Variants in LRP1B observed in about 807,000 individuals in gnomAD.
LRP1B encodes the protein LDL receptor related protein 1B, also known as low-density lipoprotein receptor-related protein 1B.
In LRP1B, 217 loss-of-function variants were observed where a neutral mutation model predicts 556.6. The ratio of observed to expected loss-of-function variants is 0.39; its 90% CI spans 0.35 to 0.44. LRP1B has a LOEUF of 0.44. Among genes scored for constraint, LRP1B ranks in the 20% least tolerant of loss-of-function variants. The pLI is 1.00. For missense variants in LRP1B, 5,053 were observed against 5,620.8 expected, an observed-to-expected ratio of 0.90 and a Z score of 3.23; for synonymous variants, 2,047 against 1,865.8, an observed-to-expected ratio of 1.10 and a Z score of -2.50.
intron 2 of LRP1B, among the ~76,000 whole-genome samples, chr2:141,692,655 T>C (rs546749122): frequency 6.6e-5 from 10 of 152,104 alleles, no homozygotes; most frequent in African/African-American, 1.9e-4. Context: ...GTATATGTTC[T>C]GAGAAACGTG....
chr2:141,456,756 T>C (rs966325330), intron 3 of LRP1B, among the ~76,000 whole-genome samples: 4 of 152,164 alleles, frequency 2.6e-5, no homozygotes, highest in South Asian at 4.1e-4. Flanking sequence ...TAAGATCTCA[T>C]AGCAAAAGTA....
In LRP1B at chr2:141,058,889, G is replaced by T; in HGVS notation, c.1402C>A (p.Pro468Thr). The T allele has an allele frequency of 6.3e-7, 1 of 1,587,936 alleles. No homozygotes were observed. Among genetic ancestry groups the T allele is most frequent in the East Asian group, 2.3e-5 (1 of 44,102 alleles). Residue 468 changes from proline (P) to threonine (T), a missense_variant, in exon 9 of 91, where the codon CCA becomes ACA. By Grantham distance (38) the Pro-to-Thr change is conservative. Coordinates refer to ENST00000389484, the MANE Select transcript of LRP1B (RefSeq NM_018557.3). ...GIRIYQKRTQ[P>T]TVRSHACEVD... ...AAGAAGCTTTCCCACTTACCTGTTGGTTGAGTTCTTTTTTGATAAATTCGG... is the reference window on the plus strand; with the variant it reads ...AAGAAGCTTTCCCACTTACCTGTTGTTTGAGTTCTTTTTTGATAAATTCGG...
At chr2:140,430,172 TG>T (rs1392466141) in intron 66 of LRP1B, among the ~76,000 whole-genome samples, 1 of 152,208 alleles carries the variant, frequency 6.6e-6, no homozygotes, top group Non-Finnish European at 1.5e-5. Context: ...AAGCAGGCTA[TG>T]CTGTAGTATC....
At chr2:140,341,522 G>A (rs1681388891) in intron 77 of LRP1B, among the ~76,000 whole-genome samples, 1 of 151,300 alleles carries the variant, frequency 6.6e-6, no homozygotes, top group South Asian at 2.1e-4. Flanking sequence ...GTGATAATAA[G>A]TATAATAATA....
chr2:141,217,008 G>A (rs1026223959), intron 6 of LRP1B, among the ~76,000 whole-genome samples: 19 of 152,164 alleles, frequency 1.2e-4, no homozygotes, highest in Non-Finnish European at 2.1e-4. Context: ...GACTTTGGGG[G>A]ATTGTTGGGA....
chr2:141,223,451 T>C (rs1432286268), intron 6 of LRP1B, among the ~76,000 whole-genome samples: 1 of 152,150 alleles, frequency 6.6e-6, no homozygotes, highest in Non-Finnish European at 1.5e-5. Context: ...AAAATGGCCA[T>C]ACTGCCCAAA....
chr2:140,444,825 T>C (rs1425839303), intron 63 of LRP1B, 146 bp from the exon 64 acceptor site: 4 of 603,256 alleles, frequency 6.6e-6, no homozygotes, highest in Admixed American at 3.2e-5. Context: ...AGCTATTAGA[T>C]TCAAATGTTT....
rs766487142 is a variant in LRP1B at position 140,335,781 on chromosome 2, A to C, written c.11950T>G (p.Tyr3984Asp). The change falls in exon 78 of 91, where the codon TAC becomes GAC. Residue 3984 changes from tyrosine to aspartate, a missense_variant. Physicochemically the swap from Tyr to Asp is radical, Grantham distance 160 (BLOSUM62 -3). Coordinates refer to ENST00000389484, the MANE Select transcript of LRP1B (RefSeq NM_018557.3). ...IAVDWVAGNI[Y>D]WTDHSRMHWF... ...TGCATTCTAGAATGATCAGTCCAGT[A>C]AATGTTTCCAGCCACCCAGTCAACT... 6.2e-7 allele frequency: 1 copy of C among 1,612,766 alleles called. No individual in the cohort carries two copies. Among genetic ancestry groups the C allele is most frequent in the Non-Finnish European group, 8.5e-7 (1 of 1,179,290 alleles).
rs75421703 is a variant in LRP1B, at chr2:141,087,364, A to G, written c.1014-25091T>C. Among the ~76,000 whole-genome samples the G allele has an allele frequency of 6.4e-3, 969 of 152,282 alleles. 7 individuals carry two copies. Among genetic ancestry groups the G allele is most frequent in the African/African-American group, 0.022 (929 of 41,566 alleles). ...CCAAGACTTTCTGTCAGGAGGGAAC[A>G]TCTCTCCATACAGGTTAGAACCCCT... On this transcript the variant is annotated intron_variant, in intron 7 of 90. Transcript: ENST00000389484.
chr2:140,848,896 A>T (rs1864278), intron 29 of LRP1B, among the ~76,000 whole-genome samples: 129,243 of 152,106 alleles, frequency 0.85, 55,402 homozygotes, highest in Non-Finnish European at 0.91. Flanking sequence ...ATATGTTCTC[A>T]GTGTTGGGAC....
At chr2:140,854,243 C>G (rs2105127516) in intron 27 of LRP1B, among the ~76,000 whole-genome samples, 1 of 152,082 alleles carries the variant, frequency 6.6e-6, no homozygotes, top group South Asian at 2.1e-4. Context: ...CTTTGAACAT[C>G]ATTATTTTTA....
At chr2:140,237,026 C>T (rs1680740068) in intron 89 of LRP1B, among the ~76,000 whole-genome samples, 1 of 150,900 alleles carries the variant, frequency 6.6e-6, no homozygotes, top group African/African-American at 2.4e-5. Context: ...GTGGCGAGAA[C>T]ATTAAAAATC....
intron 25 of LRP1B, among the ~76,000 whole-genome samples, chr2:140,876,656 G>A (rs1431340791): frequency 6.6e-6 from 1 of 151,998 alleles, no homozygotes; most frequent in African/African-American, 2.4e-5. Context: ...AGTTTATCTT[G>A]GAACCTCAAG....
At chr2:140,540,339 G>A (rs758825840) in intron 45 of LRP1B, among the ~76,000 whole-genome samples, 4 of 151,988 alleles carry the variant, frequency 2.6e-5, no homozygotes, top group Non-Finnish European at 5.9e-5. Flanking sequence ...AATTTTGCTT[G>A]CAAATTTTTC....
chr2:140,557,965 A>G (rs2105068694), intron 43 of LRP1B, among the ~76,000 whole-genome samples: 1 of 152,304 alleles, frequency 6.6e-6, no homozygotes, highest in Non-Finnish European at 1.5e-5. Flanking sequence ...CCTAAGCTCC[A>G]AAGAATATCA....
At chr2:140,558,879 T>C (rs1183288750) in intron 43 of LRP1B, among the ~76,000 whole-genome samples, 1 of 149,418 alleles carries the variant, frequency 6.7e-6, no homozygotes, top group Non-Finnish European at 1.5e-5. Flanking sequence ...GAGGCTGCAG[T>C]GAGTTGTAAT....
intron 79 of LRP1B, among the ~76,000 whole-genome samples, chr2:140,331,319 G>T (rs1248610847): frequency 6.6e-6 from 1 of 152,044 alleles, no homozygotes; most frequent in Non-Finnish European, 1.5e-5. Context: ...AATATTTCAT[G>T]TTCCTGCTGT....
intron 25 of LRP1B, 93 bp from the exon 26 acceptor site, chr2:140,868,356 G>C: frequency 8.7e-6 from 10 of 1,152,646 alleles, no homozygotes; most frequent in Non-Finnish European, 1.2e-5. Flanking sequence ...CTAGGCACTG[G>C]ATAGGTGATA....
intron 44 of LRP1B, among the ~76,000 whole-genome samples, chr2:140,541,363 C>T (rs1356605073): frequency 8.5e-5 from 13 of 152,088 alleles, no homozygotes; most frequent in Non-Finnish European, 1.8e-4. Flanking sequence ...ATGCTTCAAA[C>T]TGTAATTTTG....
Sources: gnomAD v4.1 joint callset for allele counts (sites outside exome capture counted in the v4.1 genomes callset) on GRCh38, gnomAD v4.1.1 for gene constraint, MANE v1.5 for transcripts, NCBI Gene and HGNC (gene_info 2026-07-23, HGNC 2026-07-21) for gene names.